The following TMEM266 variants were observed in gnomAD, a reference collection of about 807,000 sequenced individuals.
TMEM266 encodes transmembrane protein 266.
TMEM266 carries 33 observed loss-of-function variants against 50.5 expected under a neutral mutation model. The ratio of observed to expected loss-of-function variants is 0.65; its 90% CI spans 0.50 to 0.87. TMEM266 has a LOEUF of 0.87. Ranked by LOEUF, TMEM266 falls within the 40% of genes least tolerant of loss-of-function variation. The probability of loss-of-function intolerance (pLI) is 0.00; values close to 1 mark genes in which losing one functional copy is unlikely to be tolerated. For synonymous variants in TMEM266, 310 were observed against 292.3 expected, an observed-to-expected ratio of 1.06 and a Z score of -0.62; for missense variants, 655 against 695.1, an observed-to-expected ratio of 0.94 and a Z score of 0.65.
chr15:76,124,997 T>C (rs1271447106), intron 1 of TMEM266, among the ~76,000 whole-genome samples: 10 of 152,134 alleles, frequency 6.6e-5, no homozygotes. Context: ...AAAAACAGGC[T>C]GACCAATGGA....
chr15:76,085,359 G>A (rs1596094006), intron 1 of TMEM266, among the ~76,000 whole-genome samples: 3 of 151,686 alleles, frequency 2.0e-5, no homozygotes, highest in East Asian at 3.9e-4. Flanking sequence ...CTGGGTTCAA[G>A]CTATTCTCGT....
chr15:76,060,496 A>G (rs2036280343), intron 1 of TMEM266, among the ~76,000 whole-genome samples: 2 of 152,148 alleles, frequency 1.3e-5, no homozygotes, highest in East Asian at 1.9e-4. Context: ...ACCACTTCCT[A>G]GTGGGCTTCC....
In TMEM266 at chr15:76,130,238, AAAAAAAAAAAAAAAAAC is replaced by A. The variant is rs1380422870; in HGVS notation, c.-96-3929_-96-3913del. ...CCTGTCAAAAAAAAAAAAAAAAAAA[AAAAAAAAAAAAAAAAAC>A]CGCCGGGTGCAGTGTCTCATGCCTG... On this transcript the variant is annotated intron_variant, in intron 1 of 10. Coordinates refer to ENST00000388942, the MANE Select transcript of TMEM266 (RefSeq NM_152335.3). Among the ~76,000 whole-genome samples, 150 of 135,478 alleles carry A rather than the reference AAAAAAAAAAAAAAAAAC, an allele frequency of 1.1e-3. 4 individuals are homozygous for A. Among genetic ancestry groups the A allele is most frequent in the African/African-American group, 3.1e-3 (114 of 36,842 alleles). The allele number at this position is 135,478 out of a possible 152,430, so 88.9% of individuals were successfully genotyped here. A position where few individuals can be genotyped will look rare whatever the true frequency, so the allele number is the denominator to read the frequency against.
chr15:76,093,666 C>G (rs1044707423), intron 1 of TMEM266, among the ~76,000 whole-genome samples: 17 of 152,022 alleles, frequency 1.1e-4, no homozygotes, highest in Non-Finnish European at 1.5e-5. Context: ...ATTTCTAGTT[C>G]TAGATCCTTG....
At chr15:76,190,267 G>T (rs1258921715) in intron 8 of TMEM266, among the ~76,000 whole-genome samples, 2 of 152,218 alleles carry the variant, frequency 1.3e-5, no homozygotes, top group Admixed American at 6.5e-5. Flanking sequence ...CGCATGCTTG[G>T]TATCTTTACA....
At chr15:76,133,859 G>C (rs537221766) in intron 1 of TMEM266, among the ~76,000 whole-genome samples, 5 of 152,144 alleles carry the variant, frequency 3.3e-5, no homozygotes, top group African/African-American at 4.8e-5. Flanking sequence ...TGCTGTTTTG[G>C]GGGGCACAGC....
intron 1 of TMEM266, among the ~76,000 whole-genome samples, chr15:76,068,939 C>T (rs1473057764): frequency 9.2e-5 from 14 of 152,194 alleles, no homozygotes; most frequent in African/African-American, 3.1e-4. Context: ...AGTGCCTGTG[C>T]TTCGTGACTC....
chr15:76,062,181 A>G (rs2141978043), intron 1 of TMEM266, among the ~76,000 whole-genome samples: 1 of 152,378 alleles, frequency 6.6e-6, no homozygotes, highest in Non-Finnish European at 1.5e-5. Context: ...TAGTTGAGAT[A>G]GTGGTGAGAA....
intron 1 of TMEM266, among the ~76,000 whole-genome samples, chr15:76,085,008 A>G (rs1158591290): frequency 1.0e-4 from 15 of 145,382 alleles, no homozygotes; most frequent in African/African-American, 2.3e-4. Flanking sequence ...TGCCCAGGCT[A>G]GAGTGCAGTG....
intron 1 of TMEM266, among the ~76,000 whole-genome samples, chr15:76,107,356 C>T (rs1389217911): frequency 1.3e-5 from 2 of 152,184 alleles, no homozygotes; most frequent in African/African-American, 4.8e-5. Context: ...TCGTTGCCCT[C>T]ATACCAGAGT....
At chr15:76,126,781 G>A (rs553364537) in intron 1 of TMEM266, among the ~76,000 whole-genome samples, 3 of 152,078 alleles carry the variant, frequency 2.0e-5, no homozygotes, top group South Asian at 2.1e-4. Context: ...CACCTGCCTG[G>A]GCCTCCCAAA....
chr15:76,166,813 G>A (rs992673802), intron 5 of TMEM266, among the ~76,000 whole-genome samples: 8 of 152,192 alleles, frequency 5.3e-5, no homozygotes, highest in African/African-American at 1.9e-4. Context: ...ACTGTTCAGC[G>A]GGTACAGAGT....
At chr15:76,126,406 A>T (rs2037424455) in intron 1 of TMEM266, among the ~76,000 whole-genome samples, 1 of 145,402 alleles carries the variant, frequency 6.9e-6, no homozygotes, top group Non-Finnish European at 1.5e-5. Context: ...TATATAGTGG[A>T]ATATTATTCA....
rs1260928609 is a variant in TMEM266, at chr15:76,150,497, G to C, written c.228-6107G>C. Among the ~76,000 whole-genome samples the C allele has an allele frequency of 3.3e-5, 5 of 152,272 alleles. No homozygotes were observed. The East Asian group carries it at 9.6e-4, about 29-fold the overall frequency. On this transcript the variant is annotated intron_variant, in intron 3 of 10. Transcript: ENST00000388942. ...TCCACTGCCTGTGAGCCCCTTTTAG[G>C]ACACCTTGAGGGTCTCCACGGTCCC...
At chr15:76,170,096 A>G (rs1368650806) in intron 6 of TMEM266, among the ~76,000 whole-genome samples, 3 of 152,230 alleles carry the variant, frequency 2.0e-5, no homozygotes, top group Non-Finnish European at 4.4e-5. Context: ...AAAGGAATGC[A>G]GAACTCCTTG....
At position 76,178,275 on chromosome 15, in the gene TMEM266, G is replaced by A. The variant is rs1462542869; in HGVS notation, c.768+2601G>A. ...GGCAGGGTGGAGACAGGAAGACTGGGGACAGAGGCTGGAGAAGAAGGTGAG... is the reference window on the plus strand; with the variant it reads ...GGCAGGGTGGAGACAGGAAGACTGGAGACAGAGGCTGGAGAAGAAGGTGAG... On this transcript the variant is annotated intron_variant, in intron 8 of 10. Coordinates refer to ENST00000388942, the MANE Select transcript of TMEM266 (RefSeq NM_152335.3). Among the ~76,000 whole-genome samples the A allele has an allele frequency of 3.3e-5, 5 of 152,252 alleles. No individual in the cohort carries two copies. In the South Asian group the frequency reaches 6.2e-4, roughly 19 times the overall value.
In TMEM266 at chr15:76,110,929, C is replaced by T. The variant is rs184949419; in HGVS notation, c.-96-23239C>T. Among the ~76,000 whole-genome samples the T allele has an allele frequency of 1.9e-4, 29 of 152,246 alleles. 1 individual carries two copies. The highest frequency in any genetic ancestry group is 1.4e-3 in the Admixed American group (21 of 15,294). On this transcript the variant is annotated intron_variant, in intron 1 of 10. Coordinates refer to ENST00000388942, the MANE Select transcript of TMEM266 (RefSeq NM_152335.3). ...AAGGAAATGCAAATTAAAACAACAA[C>T]GGGATACTATTACACCCTTGTTAGA...
At chr15:76,061,304 T>A (rs1031326658) in intron 1 of TMEM266, among the ~76,000 whole-genome samples, 1 of 152,224 alleles carries the variant, frequency 6.6e-6, no homozygotes, top group East Asian at 1.9e-4. Context: ...GAGCTAAAAC[T>A]ATTTGTGTAT....
intron 1 of TMEM266, among the ~76,000 whole-genome samples, chr15:76,098,215 A>T (rs1233657366): frequency 6.6e-6 from 1 of 151,936 alleles, no homozygotes; most frequent in Non-Finnish European, 1.5e-5. Context: ...TTTTCCCACT[A>T]GTTTCTCCCC....
Sources: allele counts gnomAD v4.1 joint callset (sites outside exome capture counted in the v4.1 genomes callset), GRCh38; gene constraint gnomAD v4.1.1; transcripts MANE v1.5; gene names NCBI Gene and HGNC (gene_info 2026-07-23, HGNC 2026-07-21).